Variants in LRMDA observed in about 807,000 individuals in gnomAD.
LRMDA encodes leucine-rich melanocyte differentiation-associated protein.
In LRMDA, 18 loss-of-function variants were observed where a neutral mutation model predicts 29.8. The ratio of observed to expected loss-of-function variants is 0.60; its 90% CI spans 0.42 to 0.90. LRMDA has a LOEUF of 0.90. Among genes scored for constraint, LRMDA ranks in the 40% least tolerant of loss-of-function variants. LRMDA has a pLI of 0.00. For missense variants in LRMDA, 273 were observed against 273.9 expected (o/e 1.00, Z 0.02); for synonymous variants, 125 against 109.4 (o/e 1.14, Z -0.89).
At chr10:76,291,777 A>G (rs1281471961) in intron 5 of LRMDA, among the ~76,000 whole-genome samples, 2 of 152,008 alleles carry the variant, frequency 1.3e-5, no homozygotes, top group East Asian at 3.8e-4. Flanking sequence ...TTCTAACTCT[A>G]TTGTTTTCAC....
intron 2 of LRMDA, among the ~76,000 whole-genome samples, chr10:75,837,147 G>A (rs1844452753): frequency 6.6e-6 from 1 of 152,176 alleles, no homozygotes; most frequent in African/African-American, 2.4e-5. Context: ...GTTGATGTAA[G>A]AGATGTATAA....
intron 2 of LRMDA, among the ~76,000 whole-genome samples, chr10:75,748,374 G>A (rs958816997): frequency 6.6e-6 from 1 of 152,168 alleles, no homozygotes; most frequent in Non-Finnish European, 1.5e-5. Flanking sequence ...GATTACAGGT[G>A]TAAACCCCCA....
chr10:76,100,354 G>T (rs1849376691), intron 5 of LRMDA, among the ~76,000 whole-genome samples: 1 of 152,170 alleles, frequency 6.6e-6, no homozygotes, highest in Non-Finnish European at 1.5e-5. Flanking sequence ...AGCAAGAGGG[G>T]TTCCTGCTAA....
chr10:76,140,288 T>C (rs1850174685), intron 5 of LRMDA, among the ~76,000 whole-genome samples: 1 of 152,276 alleles, frequency 6.6e-6, no homozygotes, highest in East Asian at 1.9e-4. Flanking sequence ...AAAAGAAGGC[T>C]GACTGCATCA....
intron 6 of LRMDA, among the ~76,000 whole-genome samples, chr10:76,547,466 A>G (rs16933656): frequency 0.051 from 7,782 of 152,268 alleles, 282 homozygotes; most frequent in African/African-American, 0.1. Flanking sequence ...CAGTGTGGCT[A>G]TAATGGCTCT....
intron 2 of LRMDA, among the ~76,000 whole-genome samples, chr10:75,827,791 A>G (rs1844272779): frequency 6.6e-6 from 1 of 152,214 alleles, no homozygotes. Flanking sequence ...CAGTTTGCCA[A>G]TTCGTAATTT....
At chr10:76,552,427 CTG>C (rs1381185032) in intron 6 of LRMDA, among the ~76,000 whole-genome samples, 3 of 152,186 alleles carry the variant, frequency 2.0e-5, no homozygotes, top group Non-Finnish European at 4.4e-5. Context: ...CCAGGTTATA[CTG>C]TGGGGTTACA....
chr10:75,719,272 G>C (rs985709727), intron 2 of LRMDA, among the ~76,000 whole-genome samples: 1 of 152,212 alleles, frequency 6.6e-6, no homozygotes, highest in African/African-American at 2.4e-5. Context: ...TTGGTGAGAT[G>C]ATGTATCTGA....
intron 6 of LRMDA, among the ~76,000 whole-genome samples, chr10:76,439,700 A>G (rs1262404737): frequency 6.6e-6 from 1 of 152,214 alleles, no homozygotes; most frequent in Non-Finnish European, 1.5e-5. Flanking sequence ...TCAAAGTGCC[A>G]CTGCGCCTGC....
At chr10:75,789,934 T>G (rs1843537237) in intron 2 of LRMDA, among the ~76,000 whole-genome samples, 1 of 151,972 alleles carries the variant, frequency 6.6e-6, no homozygotes, top group Admixed American at 6.6e-5. Context: ...ATTGAAGACG[T>G]GAATTGCTTT....
chr10:76,537,406 T>G (rs1055343458), intron 6 of LRMDA, among the ~76,000 whole-genome samples: 7 of 152,250 alleles, frequency 4.6e-5, no homozygotes, highest in Admixed American at 1.3e-4. Context: ...ACCTTCTTCT[T>G]ATGCTTATCC....
chr10:75,895,426 T>A (rs1475111007), intron 2 of LRMDA, among the ~76,000 whole-genome samples: 1 of 152,236 alleles, frequency 6.6e-6, no homozygotes, highest in African/African-American at 2.4e-5. Flanking sequence ...ACTCATCATG[T>A]ACCCATTTTA....
At chr10:75,857,384 C>T (rs892500168) in intron 2 of LRMDA, among the ~76,000 whole-genome samples, 9 of 152,156 alleles carry the variant, frequency 5.9e-5, no homozygotes, top group Non-Finnish European at 1.3e-4. Context: ...CCTCTCACCA[C>T]CTGGTGTGGG....
intron 6 of LRMDA, among the ~76,000 whole-genome samples, chr10:76,383,563 T>G (rs1271202627): frequency 6.6e-6 from 1 of 150,440 alleles, no homozygotes; most frequent in Non-Finnish European, 1.5e-5. Context: ...CCCGAGTAGC[T>G]GGGACTACAG....
chr10:75,602,027 G>A (rs1175879563), intron 2 of LRMDA, among the ~76,000 whole-genome samples: 3 of 152,098 alleles, frequency 2.0e-5, no homozygotes, highest in African/African-American at 4.8e-5. Flanking sequence ...ATAATCACTC[G>A]ATTGAGTTAT....
At chr10:76,209,719 C>T (rs145855354) in intron 5 of LRMDA, among the ~76,000 whole-genome samples, 3 of 152,274 alleles carry the variant, frequency 2.0e-5, no homozygotes, top group Admixed American at 1.3e-4. Context: ...GCCAGCCCCT[C>T]GGATTTGTGG....
At chr10:76,531,668 A>G (rs1027704853) in intron 6 of LRMDA, among the ~76,000 whole-genome samples, 2 of 152,052 alleles carry the variant, frequency 1.3e-5, no homozygotes, top group Non-Finnish European at 2.9e-5. Context: ...CTTTTTATAT[A>G]TTGCTGAATC....
intron 2 of LRMDA, among the ~76,000 whole-genome samples, chr10:75,868,460 CGTT>C (rs753006288): frequency 1.3e-5 from 2 of 152,096 alleles, no homozygotes; most frequent in African/African-American, 2.4e-5. Context: ...GCCTAGTAAA[CGTT>C]GTCATTATAT....
At chr10:75,885,498 C>T (rs1038791713) in intron 2 of LRMDA, among the ~76,000 whole-genome samples, 22 of 152,174 alleles carry the variant, frequency 1.4e-4, no homozygotes, top group Admixed American at 2.6e-4. Flanking sequence ...TAAGGAGGCC[C>T]AGTTATAGAA....
Sources: gnomAD v4.1 joint callset for allele counts (sites outside exome capture counted in the v4.1 genomes callset) on GRCh38, gnomAD v4.1.1 for gene constraint, MANE v1.5 for transcripts, NCBI Gene and HGNC (gene_info 2026-07-23, HGNC 2026-07-21) for gene names.